Variants in APOL4 observed in about 807,000 individuals in gnomAD.
APOL4 encodes the protein apolipoprotein L4.
Under a neutral mutation model 12.1 loss-of-function variants are expected in APOL4, and 14 were observed. The ratio of observed to expected loss-of-function variants is 1.16; its 90% CI spans 0.76 to 1.81. The LOEUF (loss-of-function observed/expected upper bound fraction) is 1.81. Among genes scored for constraint, APOL4 ranks in the 40% most tolerant of loss-of-function variants. APOL4 has a pLI of 0.00. For missense variants in APOL4, 432 were observed against 423.1 expected (o/e 1.02, Z -0.18); for synonymous variants, 171 against 160.6 (o/e 1.06, Z -0.49).
At position 36,191,148 on chromosome 22, in the gene APOL4, C is replaced by A. The variant is rs2146933767; in HGVS notation, c.974G>T (p.Arg325Met). ...CTCCTCCAGCTCCTGAGCCCACTGCCTCAGCGACTCAGCAGACTCGGATTT... is the reference window on the plus strand; with the variant it reads ...CTCCTCCAGCTCCTGAGCCCACTGCATCAGCGACTCAGCAGACTCGGATTT... ...GAKSESAESL[R>M]QWAQELEENL... Residue 325 changes from arginine (R) to methionine (M), a missense_variant, in exon 4 of 4, where the codon AGG (arginine) becomes ATG (methionine). Coordinates refer to ENST00000683024, the MANE Select transcript of APOL4 (RefSeq NM_001386885.1). 6.2e-7 allele frequency: 1 copy of A among 1,612,202 alleles called. No homozygotes were observed. Among genetic ancestry groups the A allele is most frequent in the South Asian group, 1.1e-5 (1 of 90,730 alleles).
At chr22:36,197,298 C>T (rs2014439815) in intron 2 of APOL4, among the ~76,000 whole-genome samples, 1 of 152,196 alleles carries the variant, frequency 6.6e-6, no homozygotes, top group South Asian at 2.1e-4. Flanking sequence ...ACTTGGTTGC[C>T]ATGGCAACTC....
At chr22:36,197,010 T>C (rs1191170224) in intron 2 of APOL4, among the ~76,000 whole-genome samples, 1 of 152,168 alleles carries the variant, frequency 6.6e-6, no homozygotes, top group East Asian at 1.9e-4. Context: ...GCACTGATCC[T>C]TGTGGCCCCT....
chr22:36,201,944 C>T (rs183211581), upstream of APOL4: 474 of 1,613,778 alleles, frequency 2.9e-4, 6 homozygotes, highest in East Asian at 5.0e-3. Flanking sequence ...ATTGTGCAGC[C>T]CAGACAGGGA....
At position 36,195,776 on chromosome 22, in the gene APOL4, T is replaced by TCA. The variant is rs577893547; in HGVS notation, c.83-341_83-340dup. Among the ~76,000 whole-genome samples the TCA allele has an allele frequency of 5.2e-3, 507 of 97,006 alleles. 1 individual carries two copies. Among genetic ancestry groups the TCA allele is most frequent in the East Asian group, 0.012 (17 of 1,460 alleles). The allele number at this position is 97,006 out of a possible 152,430, so 63.6% of individuals were successfully genotyped here. On this transcript the variant is annotated intron_variant, in intron 2 of 3. Coordinates refer to ENST00000683024, the MANE Select transcript of APOL4 (RefSeq NM_001386885.1). ...CTCTCTCTCTCTCTCTCTCTCTCTCTCACACACACACACACACACACACAC... is the reference window on the plus strand; with the variant it reads ...CTCTCTCTCTCTCTCTCTCTCTCTCTCACACACACACACACACACACACACAC...
chr22:36,195,771 C>G (rs4820220), intron 2 of APOL4, among the ~76,000 whole-genome samples: 1 of 59,258 alleles, frequency 1.7e-5, no homozygotes, highest in South Asian at 1.0e-3. Context: ...CTCTCTCTCT[C>G]TCTCTCACAC....
intron 3 of APOL4, among the ~76,000 whole-genome samples, chr22:36,192,443 A>G (rs9619593): frequency 0.013 from 2,017 of 152,332 alleles, 25 homozygotes; most frequent in Non-Finnish European, 0.02. Context: ...AGTTAAAGTC[A>G]TCTTCCGATG....
Position 36,191,880 on chromosome 22 carries a change from T to C in APOL4, c.242A>G (p.Lys81Arg). Reference sequence around the variant, plus strand: ...AATAGCCACATATGGTGTAAGATTCTTCAGAGCTTCATAGAGAGCATCTGC... The same window carrying C: ...AATAGCCACATATGGTGTAAGATTCCTCAGAGCTTCATAGAGAGCATCTGC... The part of the protein sequence containing the change: ...EEADALYEAL[K>R]NLTPYVAIED... Residue 81 changes from lysine to arginine, a missense_variant, in exon 4 of 4, where the codon AAG (lysine) becomes AGG (arginine). Coordinates refer to ENST00000683024, the MANE Select transcript of APOL4 (RefSeq NM_001386885.1). The C allele has an allele frequency of 6.2e-7, 1 of 1,607,880 alleles. No individual in the cohort carries two copies. Among genetic ancestry groups the C allele is most frequent in the Non-Finnish European group, 8.5e-7 (1 of 1,178,824 alleles).
At chr22:36,192,990 T>A (rs2014305832) in intron 3 of APOL4, among the ~76,000 whole-genome samples, 1 of 152,176 alleles carries the variant, frequency 6.6e-6, no homozygotes. Flanking sequence ...ACCTTGGCCT[T>A]CCATGCCCAT....
intron 2 of APOL4, among the ~76,000 whole-genome samples, chr22:36,196,771 C>A (rs2146942376): frequency 6.6e-6 from 1 of 152,298 alleles, no homozygotes; most frequent in Admixed American, 6.5e-5. Flanking sequence ...ACCACCCAAC[C>A]CAGCAAGCAG....
intron 2 of APOL4, among the ~76,000 whole-genome samples, chr22:36,198,563 G>T (rs944014112): frequency 5.3e-5 from 8 of 152,190 alleles, no homozygotes; most frequent in African/African-American, 1.9e-4. Context: ...TGCAGGGTGG[G>T]TGCCCTAACA....
intron 3 of APOL4, among the ~76,000 whole-genome samples, 155 bp from the exon 4 acceptor site, chr22:36,192,067 G>A (rs139732754): frequency 0.015 from 2,355 of 152,298 alleles, 74 homozygotes; most frequent in African/African-American, 0.054. Context: ...AAGGCCGGGC[G>A]CGGTGGCTCA....
chr22:36,195,574 T>A, intron 2 of APOL4, 137 bp from the exon 3 acceptor site: 1 of 940,144 alleles, frequency 1.1e-6, no homozygotes, highest in Non-Finnish European at 1.6e-6. Context: ...ACCAGTGCTA[T>A]AGACTGAATT....
rs1434900052 is a variant in APOL4, at chr22:36,191,313, TCAA to T, written c.806_808del (p.Val269del). 1.9e-6 allele frequency: 3 copies of T among 1,614,050 alleles called. No homozygotes were observed. The highest frequency in any genetic ancestry group is 2.5e-6 in the Non-Finnish European group (3 of 1,179,892). On this transcript the variant is annotated inframe_deletion, in exon 4 of 4. Transcript: ENST00000683024. The stretch of plus-strand genomic sequence containing the variant: ...GGGGGCCCCACGTGTTCTCAGTGTC[TCAA>T]CAACATTTATAGGTACATATCGCCA...
intron 3 of APOL4, among the ~76,000 whole-genome samples, chr22:36,194,770 T>C (rs1033580989): frequency 6.6e-6 from 1 of 152,136 alleles, no homozygotes; most frequent in African/African-American, 2.4e-5. Context: ...GTTTGTGCAG[T>C]TCCTCAGAAG....
upstream of APOL4, chr22:36,202,178 C>T (rs1057127254): frequency 3.8e-6 from 5 of 1,332,448 alleles, no homozygotes; most frequent in Non-Finnish European, 5.3e-6. Context: ...GCCATCCTAG[C>T]TCATTGCTGC....
chr22:36,203,323 G>C (rs1223337380), upstream of APOL4, among the ~76,000 whole-genome samples: 4 of 152,222 alleles, frequency 2.6e-5, no homozygotes, highest in African/African-American at 9.6e-5. Context: ...TCAGTTTAGT[G>C]AGGGCGGGGG....
intron 3 of APOL4, among the ~76,000 whole-genome samples, chr22:36,193,422 G>C (rs999384656): frequency 1.3e-5 from 2 of 152,226 alleles, no homozygotes; most frequent in African/African-American, 2.4e-5. Context: ...GTTCCACATT[G>C]ACACAGGAGA....
rs1228232264 is a variant in APOL4 at position 36,189,855 on chromosome 22, CA to C, written c.*1219del. 6.5e-6 allele frequency: 1 copy of C among 152,830 alleles called. No homozygotes were observed. The highest frequency in any genetic ancestry group is 2.4e-5 in the African/African-American group (1 of 41,392). The allele number at this position is 152,830 out of a possible 1,614,324, so 9.5% of individuals were successfully genotyped here. A position where few individuals can be genotyped will look rare whatever the true frequency, so the allele number is the denominator to read the frequency against. On this transcript the variant is annotated 3_prime_UTR_variant, in exon 4 of 4. Transcript: ENST00000683024. ...ACCCCTCCCCTGCTGTGCTCAGCTA[CA>C]GATGCCAAAGTTCCTAACACTGAGT...
At chr22:36,194,545 T>C (rs1159829630) in intron 3 of APOL4, among the ~76,000 whole-genome samples, 2 of 152,154 alleles carry the variant, frequency 1.3e-5, no homozygotes, top group Non-Finnish European at 2.9e-5. Flanking sequence ...TGCTATTTGG[T>C]TCCCCACCTT....
Sources: gnomAD v4.1 joint callset for allele counts (sites outside exome capture counted in the v4.1 genomes callset) on GRCh38, gnomAD v4.1.1 for gene constraint, MANE v1.5 for transcripts, NCBI Gene and HGNC (gene_info 2026-07-23, HGNC 2026-07-21) for gene names.